Variants in CLEC4D observed in about 807,000 individuals in gnomAD.
CLEC4D encodes C-type (calcium dependent, carbohydrate-recognition domain) lectin, superfamily member 8.
A neutral mutation model predicts 21.1 loss-of-function variants in CLEC4D; 21 were observed. The observed-to-expected ratio is 1.00, with a 90% confidence interval of 0.71 to 1.43. CLEC4D has a LOEUF of 1.43. Ranked by LOEUF, CLEC4D falls within the 40% of genes most tolerant of loss-of-function variation. The probability of loss-of-function intolerance (pLI) is 0.00; values close to 1 mark genes in which losing one functional copy is unlikely to be tolerated. For synonymous variants in CLEC4D, 85 were observed against 83.1 expected (o/e 1.02, Z -0.12); for missense variants, 289 against 260.7 (o/e 1.11, Z -0.75).
At chr12:8,515,700 T>C (rs1046928912) in intron 2 of CLEC4D, among the ~76,000 whole-genome samples, 7 of 151,918 alleles carry the variant, frequency 4.6e-5, no homozygotes, top group African/African-American at 1.7e-4. Flanking sequence ...GAAGAATTGT[T>C]CTCTCTCTCT....
At chr12:8,528,187 C>A in the CLEC4D span, among the ~76,000 whole-genome samples, 2 of 152,104 alleles carry the variant, frequency 1.3e-5, no homozygotes, top group Non-Finnish European at 2.9e-5. Flanking sequence ...TGAATTAACT[C>A]CCAGTTATAG....
At position 8,513,722 on chromosome 12, in the gene CLEC4D, C is replaced by A; in HGVS notation, c.-11C>A. On this transcript the variant is annotated 5_prime_UTR_variant, in exon 1 of 6. Coordinates refer to ENST00000299665, the MANE Select transcript of CLEC4D (RefSeq NM_080387.5). ...GCCGTCCTGACCATTGAACAAGAGA[C>A]TAATTAGACAATGGGGCTAGAAAAA... The A allele has an allele frequency of 9.2e-7, 1 of 1,089,638 alleles. No individual in the cohort carries two copies. The highest frequency in any genetic ancestry group is 1.4e-6 in the Non-Finnish European group (1 of 702,594). 67.5% of individuals were successfully genotyped at this position (1,089,638 alleles called of 1,614,324 possible).
chr12:8,516,543 A>C (rs1365427314), intron 2 of CLEC4D, among the ~76,000 whole-genome samples: 2 of 152,268 alleles, frequency 1.3e-5, no homozygotes, highest in African/African-American at 4.8e-5. Flanking sequence ...AATGCAACTC[A>C]CAGTGAGACA....
chr12:8,515,031 T>C (rs1439112181), intron 1 of CLEC4D, among the ~76,000 whole-genome samples: 1 of 152,160 alleles, frequency 6.6e-6, no homozygotes, highest in African/African-American at 2.4e-5. Context: ...CATTTCAAAA[T>C]TACCAAGAAA....
Position 8,513,615 on chromosome 12 carries a change from G to A in CLEC4D, c.-118G>A. 1.6e-6 allele frequency: 1 copy of A among 621,174 alleles called. No homozygotes were observed. The highest frequency in any genetic ancestry group is 3.0e-6 in the Non-Finnish European group (1 of 338,528). The allele number at this position is 621,174 out of a possible 1,614,324, so 38.5% of individuals were successfully genotyped here. On this transcript the variant is annotated 5_prime_UTR_variant, in exon 1 of 6. It adds an upstream start codon to the 5' untranslated region. Coordinates refer to ENST00000299665, the MANE Select transcript of CLEC4D (RefSeq NM_080387.5). Reference sequence around the variant, plus strand: ...AATCTCACTACAATATGTAACATTGGTGTTCGATCTCAAGTATTTCTGAAT... The same window carrying A: ...AATCTCACTACAATATGTAACATTGATGTTCGATCTCAAGTATTTCTGAAT...
chr12:8,515,225 T>G lies in CLEC4D; in HGVS notation c.29-11T>G. 8.1e-7 allele frequency: 1 copy of G among 1,232,392 alleles called. No homozygotes were observed. The highest frequency in any genetic ancestry group is 1.2e-6 in the Non-Finnish European group (1 of 831,640). The allele number at this position is 1,232,392 out of a possible 1,614,324, so 76.3% of individuals were successfully genotyped here. On this transcript the variant is annotated splice_polypyrimidine_tract_variant and intron_variant, in intron 1 of 5. Coordinates refer to ENST00000299665, the MANE Select transcript of CLEC4D (RefSeq NM_080387.5). The stretch of plus-strand genomic sequence containing the variant: ...AGAGGAGGTTAATCTCTATTTTTCT[T>G]TTGGTCCTAGTGGAAGGAGGCATGC...
chr12:8,517,115 G>GTAAAGGAGAGTGGTTACCTA (rs1940391172), intron 2 of CLEC4D, among the ~76,000 whole-genome samples: 1 of 152,172 alleles, frequency 6.6e-6, no homozygotes, highest in African/African-American at 2.4e-5. Flanking sequence ...GTGGTTACCT[G>GTAAAGGAGAGTGGTTACCTA]TAAAGGAGAG....
chr12:8,518,885 A>C lies in CLEC4D; in HGVS notation c.233-124A>C. The C allele has an allele frequency of 2.8e-6, 4 of 1,420,350 alleles. No homozygotes were observed. In the South Asian group the frequency reaches 4.6e-5, roughly 16 times the overall value. The allele number at this position is 1,420,350 out of a possible 1,614,324, so 88.0% of individuals were successfully genotyped here. On this transcript the variant is annotated intron_variant, in intron 3 of 5. Transcript: ENST00000299665. The stretch of plus-strand genomic sequence containing the variant: ...GATCTTTTGGTAGGAGAACAGAATA[A>C]TTTTGGTGATCTTGATATTATTCTC...
the CLEC4D span, among the ~76,000 whole-genome samples, chr12:8,529,940 T>C: frequency 6.6e-6 from 1 of 152,184 alleles, no homozygotes; most frequent in Admixed American, 6.5e-5. Flanking sequence ...ATCTAAACGG[T>C]TGAATACGAT....
chr12:8,514,869 AG>A (rs1256538062), intron 1 of CLEC4D, among the ~76,000 whole-genome samples: 3 of 152,112 alleles, frequency 2.0e-5, no homozygotes, highest in Non-Finnish European at 4.4e-5. Context: ...TACTTTATCC[AG>A]TGCGGATATT....
chr12:8,518,060 G>C (rs1940405014), intron 2 of CLEC4D, 104 bp from the exon 3 acceptor site: 1 of 557,750 alleles, frequency 1.8e-6, no homozygotes, highest in African/African-American at 1.9e-5. Flanking sequence ...GAATATGAGG[G>C]CCTTAATTAT....
the CLEC4D span, among the ~76,000 whole-genome samples, chr12:8,530,048 G>A: frequency 4.6e-5 from 7 of 152,244 alleles, no homozygotes; most frequent in East Asian, 1.9e-4. Flanking sequence ...GTGCATATAT[G>A]TACATAGTGT....
chr12:8,517,882 C>T (rs1462321515), intron 2 of CLEC4D, among the ~76,000 whole-genome samples: 2 of 152,054 alleles, frequency 1.3e-5, no homozygotes. Context: ...GGAGGCGGAG[C>T]TTGCAGTGAG....
At chr12:8,514,638 C>T (rs1940352609) in intron 1 of CLEC4D, among the ~76,000 whole-genome samples, 1 of 152,096 alleles carries the variant, frequency 6.6e-6, no homozygotes, top group African/African-American at 2.4e-5. Context: ...TTTATTTTCT[C>T]ACTAAGAGTG....
the CLEC4D span, among the ~76,000 whole-genome samples, chr12:8,529,645 C>T: frequency 4.3e-4 from 66 of 152,136 alleles, 1 homozygote; most frequent in African/African-American, 1.5e-3. Flanking sequence ...ATATTAACTC[C>T]ATAAAAAGCA....
chr12:8,519,245 C>T (rs1435047158), intron 4 of CLEC4D, 85 bp downstream of exon 4: 1 of 1,490,918 alleles, frequency 6.7e-7, no homozygotes, highest in Non-Finnish European at 8.9e-7. Context: ...TGTTATGCCT[C>T]TGTCTGTTTT....
chr12:8,521,838 T>C lies in CLEC4D; in HGVS notation c.*567T>C, dbSNP rs1480685152. 6.6e-6 allele frequency: 1 copy of C among 152,206 alleles called. No individual in the cohort carries two copies. Among genetic ancestry groups the C allele is most frequent in the African/African-American group, 2.4e-5 (1 of 41,454 alleles). 9.4% of individuals were successfully genotyped at this position (152,206 alleles called of 1,614,324 possible). A position where few individuals can be genotyped will look rare whatever the true frequency, so the allele number is the denominator to read the frequency against. On this transcript the variant is annotated 3_prime_UTR_variant, in exon 6 of 6. Coordinates refer to ENST00000299665, the MANE Select transcript of CLEC4D (RefSeq NM_080387.5). The stretch of plus-strand genomic sequence containing the variant: ...GGAATAGTTCTGAATTATGCTGTTC[T>C]ACAGATAGAAAAAAAGTCCAAATGC...
chr12:8,531,005 C>A, the CLEC4D span, among the ~76,000 whole-genome samples: 1 of 152,184 alleles, frequency 6.6e-6, no homozygotes, highest in Non-Finnish European at 1.5e-5. Flanking sequence ...TCCACCTCAC[C>A]CTGCCCGGTG....
In CLEC4D at chr12:8,518,213, G is replaced by C; in HGVS notation, c.171G>C (p.Lys57Asn). The change falls in exon 3 of 6, where the codon AAG (lysine) becomes AAC (asparagine). Residue 57 changes from lysine (K) to asparagine (N), a missense_variant. Transcript: ENST00000299665. ...GTAAGAGAGGCACAGGAGTGCACAA[G>C]TTAGAGCACCATGCAAAGCTCAAAT... ...SRCKRGTGVHKLEHHAKLKCI... is the reference protein window; with the variant it reads ...SRCKRGTGVHNLEHHAKLKCI... 1 of 1,454,894 alleles carries C rather than the reference G, an allele frequency of 6.9e-7. No homozygotes were observed. The highest frequency in any genetic ancestry group is 9.7e-7 in the Non-Finnish European group (1 of 1,034,896). 90.1% of individuals were successfully genotyped at this position (1,454,894 alleles called of 1,614,324 possible).
Sources: gnomAD v4.1 joint callset for allele counts (sites outside exome capture counted in the v4.1 genomes callset) on GRCh38, gnomAD v4.1.1 for gene constraint, MANE v1.5 for transcripts, NCBI Gene and HGNC (gene_info 2026-07-23, HGNC 2026-07-21) for gene names.